Variants in KCNIP4 observed in about 807,000 individuals in gnomAD.
KCNIP4 encodes the protein potassium voltage-gated channel interacting protein 4, also known as Kv channel-interacting protein 4.
KCNIP4 carries 12 observed loss-of-function variants against 34.0 expected under a neutral mutation model. The observed-to-expected ratio is 0.35, with a 90% CI of 0.23 to 0.57. KCNIP4 has a LOEUF of 0.57. Among genes scored for constraint, KCNIP4 ranks in the 20% least tolerant of loss-of-function variants. The pLI, the probability that KCNIP4 is intolerant of heterozygous loss-of-function variation, is 0.83. For synonymous variants in KCNIP4, 124 were observed against 102.2 expected (o/e 1.21, Z -1.29); for missense variants, 238 against 311.7 (o/e 0.76, Z 1.78).
chr4:21,124,043 C>CAA lies in KCNIP4; in HGVS notation c.62-241336_62-241335dup, dbSNP rs35229012. Among the ~76,000 whole-genome samples, 1,303 of 145,944 alleles carry CAA rather than the reference C, an allele frequency of 8.9e-3. 23 individuals are homozygous for CAA. Among genetic ancestry groups the CAA allele is most frequent in the African/African-American group, 0.03 (1,181 of 39,950 alleles). On this transcript the variant is annotated intron_variant, in intron 1 of 8. Coordinates refer to ENST00000382152, the MANE Select transcript of KCNIP4 (RefSeq NM_025221.6). Reference sequence around the variant, plus strand: ...ATTTTGTAAAAAAACAAAAAAACAACAAAAAAAAAACAACAAAAAAAACCT... The same window carrying CAA: ...ATTTTGTAAAAAAACAAAAAAACAACAAAAAAAAAAAACAACAAAAAAAACCT...
At chr4:21,019,805 G>A (rs531306733) in intron 1 of KCNIP4, among the ~76,000 whole-genome samples, 1 of 151,826 alleles carries the variant, frequency 6.6e-6, no homozygotes, top group Non-Finnish European at 1.5e-5. Flanking sequence ...TCTATTATTC[G>A]CAGTATGTCT....
chr4:21,759,590 T>C (rs545397794), intron 1 of KCNIP4, among the ~76,000 whole-genome samples: 2 of 152,266 alleles, frequency 1.3e-5, no homozygotes, highest in South Asian at 4.1e-4. Context: ...ACCCTGAATA[T>C]GTCTTTGACC....
At chr4:21,381,933 A>T (rs974275181) in intron 1 of KCNIP4, among the ~76,000 whole-genome samples, 1 of 152,196 alleles carries the variant, frequency 6.6e-6, no homozygotes, top group Non-Finnish European at 1.5e-5. Context: ...AGTCAAACAC[A>T]TGCATATTTA....
chr4:21,756,543 ACT>A (rs1453941986), intron 1 of KCNIP4, among the ~76,000 whole-genome samples: 15 of 125,650 alleles, frequency 1.2e-4, no homozygotes, highest in Non-Finnish European at 1.6e-5. Context: ...ACAGAGCAAG[ACT>A]CTGTCTCAAA....
chr4:21,329,987 T>C (rs1302664158), intron 1 of KCNIP4, among the ~76,000 whole-genome samples: 3 of 152,036 alleles, frequency 2.0e-5, no homozygotes, highest in Admixed American at 1.3e-4. Flanking sequence ...TATTAACAGG[T>C]TTCCCGTTCA....
rs187480274 is a variant in KCNIP4 at position 21,006,304 on chromosome 4, G to T, written c.62-123595C>A. On this transcript the variant is annotated intron_variant, in intron 1 of 8. Coordinates refer to ENST00000382152, the MANE Select transcript of KCNIP4 (RefSeq NM_025221.6). Reference sequence around the variant, plus strand: ...AATTCTACAAAGGAAATAAAACAGGGTAAGGTAATAGAGGCAGATTGGGGA... The same window carrying T: ...AATTCTACAAAGGAAATAAAACAGGTTAAGGTAATAGAGGCAGATTGGGGA... Among the ~76,000 whole-genome samples, 780 of 152,260 alleles carry T rather than the reference G, an allele frequency of 5.1e-3. 11 individuals are homozygous for T. The highest frequency in any genetic ancestry group is 7.3e-3 in the South Asian group (35 of 4,822).
chr4:21,665,605 G>T (rs1158500866), intron 1 of KCNIP4, among the ~76,000 whole-genome samples: 14 of 150,888 alleles, frequency 9.3e-5, no homozygotes, highest in Admixed American at 8.6e-4. Flanking sequence ...AAGAAGCACA[G>T]ATAGGAACAT....
rs562699149 is a variant in KCNIP4 at position 21,577,483 on chromosome 4, T to C, written c.61+371088A>G. Among the ~76,000 whole-genome samples, 5 of 152,024 alleles carry C rather than the reference T, an allele frequency of 3.3e-5. No individual in the cohort carries two copies. The East Asian group carries it at 9.7e-4, about 29-fold the overall frequency. ...TCTCTCTACTAAAAGTACAAAAAATTAGGCAGGCATTGTGGCAGGCACCTG... is the reference window on the plus strand; with the variant it reads ...TCTCTCTACTAAAAGTACAAAAAATCAGGCAGGCATTGTGGCAGGCACCTG... On this transcript the variant is annotated intron_variant, in intron 1 of 8. Coordinates refer to ENST00000382152, the MANE Select transcript of KCNIP4 (RefSeq NM_025221.6).
Position 21,043,122 on chromosome 4 carries a change from G to A in KCNIP4, c.62-160413C>T, listed in dbSNP as rs575841057. On this transcript the variant is annotated intron_variant, in intron 1 of 8. Transcript: ENST00000382152. ...CTTATTTAGCAAACAGTTACGGGAG[G>A]TGTTTTTAAGCATCAGGAGGAAACC... is the stretch of plus-strand genomic sequence containing the variant. 2.0e-5 allele frequency among the ~76,000 whole-genome samples: 3 copies of A among 152,296 alleles called. No homozygotes were observed. The South Asian group carries it at 6.2e-4, about 32-fold the overall frequency.
intron 1 of KCNIP4, among the ~76,000 whole-genome samples, chr4:21,317,179 C>T (rs1713855561): frequency 6.6e-6 from 1 of 152,106 alleles, no homozygotes; most frequent in African/African-American, 2.4e-5. Context: ...TCAAGTATTT[C>T]AAATAGTTTT....
intron 1 of KCNIP4, among the ~76,000 whole-genome samples, chr4:21,246,832 T>C (rs915224443): frequency 2.0e-5 from 3 of 152,200 alleles, no homozygotes; most frequent in Non-Finnish European, 4.4e-5. Context: ...TAATTTTTCT[T>C]TTCACAAGCA....
chr4:21,690,422 G>T (rs1190906608), intron 1 of KCNIP4, among the ~76,000 whole-genome samples: 1 of 152,074 alleles, frequency 6.6e-6, no homozygotes, highest in African/African-American at 2.4e-5. Flanking sequence ...GGATCATGGG[G>T]CTAGATCCCT....
chr4:21,405,601 T>C (rs1723917079), intron 1 of KCNIP4, among the ~76,000 whole-genome samples: 1 of 152,218 alleles, frequency 6.6e-6, no homozygotes. Flanking sequence ...TCTGTATGCT[T>C]CCTGAGAAGT....
At position 21,948,691 on chromosome 4, in the gene KCNIP4, C is replaced by T. The variant is rs1190804447; in HGVS notation, c.-60G>A. 37 of 1,579,534 alleles carry T rather than the reference C, an allele frequency of 2.3e-5. No individual in the cohort carries two copies. The highest frequency in any genetic ancestry group is 1.1e-5 in the Non-Finnish European group (13 of 1,160,540). ...GAGTCCACCGGCCAGGGGCGTCTGTCCACGGGTCTGCACGGGAGCGCACCG... is the reference window on the plus strand; with the variant it reads ...GAGTCCACCGGCCAGGGGCGTCTGTTCACGGGTCTGCACGGGAGCGCACCG... On this transcript the variant is annotated 5_prime_UTR_variant, in exon 1 of 9. Coordinates refer to ENST00000382152, the MANE Select transcript of KCNIP4 (RefSeq NM_025221.6).
At chr4:21,426,907 T>A (rs74961635) in intron 1 of KCNIP4, among the ~76,000 whole-genome samples, 31 of 29,184 alleles carry the variant, frequency 1.1e-3, no homozygotes, top group Middle Eastern at 0.025. Context: ...TTTAACTTTT[T>A]TTTTTTTTTC....
intron 1 of KCNIP4, among the ~76,000 whole-genome samples, chr4:21,139,976 G>T (rs1314490338): frequency 6.6e-6 from 1 of 152,094 alleles, no homozygotes; most frequent in Non-Finnish European, 1.5e-5. Flanking sequence ...CTCACACTGG[G>T]CTATGTATCA....
intron 1 of KCNIP4, among the ~76,000 whole-genome samples, chr4:21,506,311 A>G (rs1026546230): frequency 6.6e-6 from 1 of 152,186 alleles, no homozygotes; most frequent in Non-Finnish European, 1.5e-5. Context: ...GCCACCTGAC[A>G]TTGGAGAAGG....
intron 1 of KCNIP4, among the ~76,000 whole-genome samples, chr4:21,363,159 C>T (rs150987207): frequency 6.6e-6 from 1 of 152,130 alleles, no homozygotes; most frequent in African/African-American, 2.4e-5. Flanking sequence ...AAGTTGAAGT[C>T]ATGATTTGAA....
intron 1 of KCNIP4, among the ~76,000 whole-genome samples, chr4:21,264,036 G>A (rs1360686178): frequency 1.3e-5 from 2 of 151,914 alleles, no homozygotes; most frequent in East Asian, 2.0e-4. Flanking sequence ...CATCCAAATC[G>A]TTAGTGGTGA....
Sources: gnomAD v4.1 joint callset for allele counts (sites outside exome capture counted in the v4.1 genomes callset) on GRCh38, gnomAD v4.1.1 for gene constraint, MANE v1.5 for transcripts, NCBI Gene and HGNC (gene_info 2026-07-23, HGNC 2026-07-21) for gene names.